CTNNA3: variants seen among roughly 807,000 people sequenced by gnomAD.
CTNNA3 encodes the protein catenin alpha 3, also known as catenin alpha-3.
Under a neutral mutation model 95.7 loss-of-function variants are expected in CTNNA3, and 76 were observed. The observed-to-expected ratio is 0.79, with a 90% CI of 0.66 to 0.96. CTNNA3 has a LOEUF of 0.96. Among genes scored for constraint, CTNNA3 ranks in the 40% least tolerant of loss-of-function variants. The pLI is 0.00. For missense variants in CTNNA3, 1,191 were observed against 1,089.8 expected, an observed-to-expected ratio of 1.09 and a Z score of -1.31; for synonymous variants, 431 against 374.4, an observed-to-expected ratio of 1.15 and a Z score of -1.74.
chr10:65,987,027 C>T (rs1320572923), intron 16 of CTNNA3, among the ~76,000 whole-genome samples: 1 of 151,906 alleles, frequency 6.6e-6, no homozygotes, highest in African/African-American at 2.4e-5. Context: ...AACTAGGCCC[C>T]TACCTTTCAC....
chr10:66,907,994 T>A (rs1015301283), intron 7 of CTNNA3, among the ~76,000 whole-genome samples: 1 of 152,182 alleles, frequency 6.6e-6, no homozygotes, highest in Non-Finnish European at 1.5e-5. Flanking sequence ...TCAGAAGACA[T>A]TATCTTGGCT....
chr10:66,370,720 T>C (rs1008989644), intron 12 of CTNNA3, among the ~76,000 whole-genome samples: 3 of 152,066 alleles, frequency 2.0e-5, no homozygotes, highest in Admixed American at 6.6e-5. Flanking sequence ...TTTATTTTAT[T>C]TTTTTGAGAG....
rs1324298254 is a variant in CTNNA3 at position 65,916,160 on chromosome 10, T to G, written c.*4170A>C. The G allele has an allele frequency of 6.6e-6, 1 of 151,988 alleles. No individual in the cohort carries two copies. The highest frequency in any genetic ancestry group is 1.5e-5 in the Non-Finnish European group (1 of 67,978). The allele number at this position is 151,988 out of a possible 1,614,324, so 9.4% of individuals were successfully genotyped here. A position where few individuals can be genotyped will look rare whatever the true frequency, so the allele number is the denominator to read the frequency against. The stretch of plus-strand genomic sequence containing the variant: ...GGAATTTTCATATAAATAAAAACAG[T>G]AACATCTCAGGTGGCAGAAATTTTC... On this transcript the variant is annotated 3_prime_UTR_variant, in exon 18 of 18. Transcript: ENST00000433211.
intron 5 of CTNNA3, among the ~76,000 whole-genome samples, chr10:67,255,176 TC>T (rs1866290204): frequency 6.6e-6 from 1 of 152,036 alleles, no homozygotes; most frequent in Admixed American, 6.6e-5. Flanking sequence ...GCACCTGTAA[TC>T]CCAGCTACTC....
At chr10:67,709,977 C>T (rs972977947) in intron 1 of CTNNA3, among the ~76,000 whole-genome samples, 2 of 152,094 alleles carry the variant, frequency 1.3e-5, no homozygotes, top group Non-Finnish European at 2.9e-5. Context: ...AAATTAAATG[C>T]CAGGTGTGTC....
intron 13 of CTNNA3, among the ~76,000 whole-genome samples, chr10:66,260,049 C>T (rs2090941365): frequency 1.3e-5 from 2 of 152,068 alleles, no homozygotes; most frequent in South Asian, 4.1e-4. Flanking sequence ...GTCTCTCTGA[C>T]CTCTCACTTC....
At chr10:67,018,433 G>A (rs1589610983) in intron 7 of CTNNA3, among the ~76,000 whole-genome samples, 2 of 152,102 alleles carry the variant, frequency 1.3e-5, no homozygotes, top group East Asian at 3.8e-4. Context: ...TTTGTATTTT[G>A]CATTTCTAGT....
intron 12 of CTNNA3, among the ~76,000 whole-genome samples, chr10:66,336,326 G>T (rs562323501): frequency 6.6e-6 from 1 of 152,168 alleles, no homozygotes; most frequent in East Asian, 1.9e-4. Context: ...CATCACCCAT[G>T]CTGGGAGCTG....
chr10:66,813,345 C>T (rs1564699510), intron 7 of CTNNA3, among the ~76,000 whole-genome samples: 1 of 152,108 alleles, frequency 6.6e-6, no homozygotes, highest in African/African-American at 2.4e-5. Flanking sequence ...TCACTAAAAG[C>T]ATTTCAGTGT....
intron 7 of CTNNA3, among the ~76,000 whole-genome samples, chr10:66,897,735 T>C (rs1191538061): frequency 1.3e-5 from 2 of 152,086 alleles, no homozygotes; most frequent in Admixed American, 6.6e-5. Context: ...AGAAAAGAGA[T>C]AAACATATGA....
chr10:67,659,425 G>T (rs1840116196), intron 1 of CTNNA3, among the ~76,000 whole-genome samples: 1 of 152,180 alleles, frequency 6.6e-6, no homozygotes, highest in Non-Finnish European at 1.5e-5. Flanking sequence ...AGAAAGAACA[G>T]AAATGCCCCA....
chr10:66,234,315 A>G (rs1206506219), intron 13 of CTNNA3, among the ~76,000 whole-genome samples: 2 of 152,194 alleles, frequency 1.3e-5, no homozygotes, highest in African/African-American at 2.4e-5. Context: ...GTTCTTCAAC[A>G]AGAATCTGTC....
chr10:67,629,207 C>A (rs111527123), intron 2 of CTNNA3, among the ~76,000 whole-genome samples: 93 of 152,082 alleles, frequency 6.1e-4, no homozygotes, highest in Admixed American at 1.1e-3. Context: ...CTGTGTTATG[C>A]ACACTGAAAT....
At chr10:65,935,004 A>C (rs2077313081) in intron 17 of CTNNA3, among the ~76,000 whole-genome samples, 1 of 152,128 alleles carries the variant, frequency 6.6e-6, no homozygotes, top group Admixed American at 6.6e-5. Flanking sequence ...AGCAGTGCCC[A>C]GTGTGTCCAT....
rs2076966902 is a variant in CTNNA3, at chr10:65,913,214, G to T, written c.*7116C>A. The stretch of plus-strand genomic sequence containing the variant: ...TGTTGTAATACGACATAAAGTAAAT[G>T]ATTTTTTTCCCCCAAGTTGCTATGA... On this transcript the variant is annotated 3_prime_UTR_variant, in exon 18 of 18. Coordinates refer to ENST00000433211, the MANE Select transcript of CTNNA3 (RefSeq NM_013266.4). The T allele has an allele frequency of 6.6e-6, 1 of 152,040 alleles. No individual in the cohort carries two copies. Among genetic ancestry groups the T allele is most frequent in the Admixed American group, 6.6e-5 (1 of 15,230 alleles). 9.4% of individuals were successfully genotyped at this position (152,040 alleles called of 1,614,324 possible).
rs1029974939 is a variant in CTNNA3, at chr10:66,460,934, C to A, written c.1531+59683G>T. On this transcript the variant is annotated intron_variant, in intron 11 of 17. Transcript: ENST00000433211. ...GTGGTTATTGGCTTAAAACATTATT[C>A]TTGTAGATTTTTTAATTCCTGAAGT... is the stretch of plus-strand genomic sequence containing the variant. 2.0e-5 allele frequency among the ~76,000 whole-genome samples: 3 copies of A among 151,802 alleles called. No individual in the cohort carries two copies. The East Asian group carries it at 5.8e-4, about 29-fold the overall frequency.
chr10:67,593,188 A>G (rs894411341), intron 3 of CTNNA3, among the ~76,000 whole-genome samples: 17 of 152,170 alleles, frequency 1.1e-4, no homozygotes, highest in African/African-American at 4.1e-4. Flanking sequence ...TATGGTGTAT[A>G]CATGGTACAT....
intron 7 of CTNNA3, among the ~76,000 whole-genome samples, chr10:66,935,502 T>C (rs1847645778): frequency 1.3e-5 from 2 of 152,124 alleles, no homozygotes; most frequent in South Asian, 4.2e-4. Context: ...CTGGCACCAA[T>C]AGAGGGTTAG....
chr10:66,565,022 C>T (rs1842663822), intron 10 of CTNNA3, among the ~76,000 whole-genome samples: 1 of 152,160 alleles, frequency 6.6e-6, no homozygotes, highest in Non-Finnish European at 1.5e-5. Flanking sequence ...TACCATTCTA[C>T]CTTCCTTCCC....
Sources: gnomAD v4.1 joint callset for allele counts (sites outside exome capture counted in the v4.1 genomes callset) on GRCh38, gnomAD v4.1.1 for gene constraint, MANE v1.5 for transcripts, NCBI Gene and HGNC (gene_info 2026-07-23, HGNC 2026-07-21) for gene names.